Variants in DNAJC1 observed in about 807,000 individuals in gnomAD.
The protein encoded by DNAJC1 is DnaJ heat shock protein family (Hsp40) member C1, also known as dnaJ homolog subfamily C member 1.
In DNAJC1, 58 loss-of-function variants were observed where a neutral mutation model predicts 76.6. The ratio of observed to expected loss-of-function variants is 0.76; its 90% CI spans 0.61 to 0.94. DNAJC1 has a LOEUF of 0.94. Among genes scored for constraint, DNAJC1 ranks in the 40% least tolerant of loss-of-function variants. The probability of loss-of-function intolerance (pLI) is 0.00; values close to 1 mark genes in which losing one functional copy is unlikely to be tolerated. For synonymous variants in DNAJC1, 258 were observed against 267.9 expected, an observed-to-expected ratio of 0.96 and a Z score of 0.36; for missense variants, 689 against 677.3, an observed-to-expected ratio of 1.02 and a Z score of -0.19.
chr10:21,773,179 T>G (rs892148106), intron 9 of DNAJC1, among the ~76,000 whole-genome samples: 1 of 152,322 alleles, frequency 6.6e-6, no homozygotes, highest in African/African-American at 2.4e-5. Flanking sequence ...TCTGTGTGCT[T>G]TAGGTATAGT....
At chr10:21,941,095 C>CAAAAAA (rs1208799870) in intron 1 of DNAJC1, among the ~76,000 whole-genome samples, 3 of 39,180 alleles carry the variant, frequency 7.7e-5, no homozygotes, top group Non-Finnish European at 1.1e-4. Flanking sequence ...ACTAAAAATA[C>CAAAAAA]AAAAAAAAAA....
At chr10:21,875,857 G>A (rs910647385) in intron 8 of DNAJC1, among the ~76,000 whole-genome samples, 12 of 152,006 alleles carry the variant, frequency 7.9e-5, no homozygotes, top group African/African-American at 2.7e-4. Context: ...CCTGGGAGGC[G>A]GAGGTTGCAG....
intron 8 of DNAJC1, among the ~76,000 whole-genome samples, chr10:21,825,658 G>A (rs1254042651): frequency 6.6e-6 from 1 of 152,108 alleles, no homozygotes; most frequent in Non-Finnish European, 1.5e-5. Flanking sequence ...CAATGTATGA[G>A]GATTCAATTT....
At chr10:21,888,590 G>A (rs1590034229) in intron 7 of DNAJC1, among the ~76,000 whole-genome samples, 1 of 152,170 alleles carries the variant, frequency 6.6e-6, no homozygotes, top group African/African-American at 2.4e-5. Flanking sequence ...GGAATACTAT[G>A]CAGCCATAAA....
At chr10:21,929,018 T>A in intron 2 of DNAJC1, 22 bp downstream of exon 2, 1 of 1,417,876 alleles carries the variant, frequency 7.1e-7, no homozygotes, top group Non-Finnish European at 9.8e-7. Context: ...AAAATATATA[T>A]ATAATAGCAT....
intron 1 of DNAJC1, among the ~76,000 whole-genome samples, chr10:21,980,123 C>T (rs1469616398): frequency 6.6e-6 from 1 of 151,994 alleles, no homozygotes; most frequent in Non-Finnish European, 1.5e-5. Context: ...CTACTGACCA[C>T]AGGGCTAAAC....
At chr10:21,937,737 T>G (rs1837332387) in intron 1 of DNAJC1, among the ~76,000 whole-genome samples, 1 of 152,114 alleles carries the variant, frequency 6.6e-6, no homozygotes, top group Non-Finnish European at 1.5e-5. Context: ...CTCAATAAAT[T>G]TAAAAAGACT....
At chr10:21,910,917 AAG>A (rs936907743) in intron 6 of DNAJC1, among the ~76,000 whole-genome samples, 3 of 146,090 alleles carry the variant, frequency 2.1e-5, no homozygotes, top group East Asian at 2.1e-4. Flanking sequence ...GGAAGAAAGA[AAG>A]AGAGAGATGG....
At chr10:21,908,066 ATATAC>A (rs1836779242) in intron 6 of DNAJC1, among the ~76,000 whole-genome samples, 1 of 117,038 alleles carries the variant, frequency 8.5e-6, no homozygotes, top group African/African-American at 3.4e-5. Context: ...ATATAATATA[ATATAC>A]ATAAATATAT....
intron 7 of DNAJC1, among the ~76,000 whole-genome samples, chr10:21,899,090 C>T (rs1590039328): frequency 6.6e-6 from 1 of 152,130 alleles, no homozygotes; most frequent in Non-Finnish European, 1.5e-5. Flanking sequence ...TGACTGCAAC[C>T]ACACCTGGGA....
At position 21,929,097 on chromosome 10, in the gene DNAJC1, T is replaced by C. The variant is rs1014128762; in HGVS notation, c.267A>G (p.Ser89=). The part of the protein sequence containing the change: ...ADIRKAYRKL[S]LTLHPDKNKD... ...TATTCTTGTCTGGATGTAAAGTTAGTGAAAGCTTACGATATGCTTTTCTGA... is the reference window on the plus strand; with the variant it reads ...TATTCTTGTCTGGATGTAAAGTTAGCGAAAGCTTACGATATGCTTTTCTGA... The change falls in exon 2 of 12, where the codon TCA becomes TCG. Residue 89 remains serine, a synonymous_variant. Transcript: ENST00000376980. The C allele has an allele frequency of 1.9e-6, 3 of 1,612,700 alleles. No homozygotes were observed. The highest frequency in any genetic ancestry group is 2.7e-5 in the African/African-American group (2 of 74,856).
chr10:21,981,127 C>T (rs1255975805), intron 1 of DNAJC1, among the ~76,000 whole-genome samples: 1 of 152,146 alleles, frequency 6.6e-6, no homozygotes, highest in South Asian at 2.1e-4. Flanking sequence ...AGCATGTAAA[C>T]AACTAAAACC....
intron 8 of DNAJC1, among the ~76,000 whole-genome samples, chr10:21,825,530 C>T (rs1460028477): frequency 6.6e-6 from 1 of 152,132 alleles, no homozygotes. Context: ...TTTTCAGTTC[C>T]TTTGAGTGTA....
At chr10:21,893,992 A>C (rs1200925737) in intron 7 of DNAJC1, among the ~76,000 whole-genome samples, 1 of 152,174 alleles carries the variant, frequency 6.6e-6, no homozygotes, top group Non-Finnish European at 1.5e-5. Flanking sequence ...GTAGACATCA[A>C]AAGGATAAAA....
At chr10:21,823,530 A>G (rs1227006475) in intron 8 of DNAJC1, among the ~76,000 whole-genome samples, 1 of 151,642 alleles carries the variant, frequency 6.6e-6, no homozygotes. Flanking sequence ...AGTTATTGTC[A>G]TATTTTCTTC....
intron 7 of DNAJC1, among the ~76,000 whole-genome samples, chr10:21,885,310 C>T (rs577518484): frequency 6.6e-6 from 1 of 152,230 alleles, no homozygotes; most frequent in Admixed American, 6.5e-5. Context: ...TATATATGCA[C>T]CCAACACAGG....
At chr10:21,843,876 G>T (rs1835612794) in intron 8 of DNAJC1, among the ~76,000 whole-genome samples, 1 of 151,900 alleles carries the variant, frequency 6.6e-6, no homozygotes, top group Admixed American at 6.6e-5. Flanking sequence ...GTTTGGCTGT[G>T]TCCTCACACA....
intron 1 of DNAJC1, among the ~76,000 whole-genome samples, chr10:21,940,265 A>C (rs1837384619): frequency 6.6e-6 from 1 of 152,240 alleles, no homozygotes; most frequent in African/African-American, 2.4e-5. Context: ...ATAAATTTTA[A>C]GTCTGGGCTT....
chr10:21,819,401 CA>C (rs34634457), intron 8 of DNAJC1, among the ~76,000 whole-genome samples: 15 of 140,608 alleles, frequency 1.1e-4, no homozygotes, highest in Admixed American at 2.1e-4. Flanking sequence ...AACTCCGTCT[CA>C]AAAAAAAAAA....
Sources: allele counts gnomAD v4.1 joint callset (sites outside exome capture counted in the v4.1 genomes callset), GRCh38; gene constraint gnomAD v4.1.1; transcripts MANE v1.5; gene names NCBI Gene and HGNC (gene_info 2026-07-23, HGNC 2026-07-21).